Variants in MICAL1 observed in about 807,000 individuals in gnomAD.
MICAL1 encodes [F-actin]-monooxygenase MICAL1.
Under a neutral mutation model 131.8 loss-of-function variants are expected in MICAL1, and 95 were observed. The observed-to-expected ratio is 0.72, with a 90% confidence interval of 0.61 to 0.86. MICAL1 has a LOEUF of 0.86. Among genes scored for constraint, MICAL1 ranks in the 40% least tolerant of loss-of-function variants. The pLI, the probability that MICAL1 is intolerant of heterozygous loss-of-function variation, is 0.00. For synonymous variants in MICAL1, 546 were observed against 554.2 expected, an observed-to-expected ratio of 0.99 and a Z score of 0.21; for missense variants, 1,292 against 1,380.6, an observed-to-expected ratio of 0.94 and a Z score of 1.02.
At chr6:109,447,601 G>GA in intron 15 of MICAL1, 80 bp downstream of exon 15, 7 of 1,601,318 alleles carry the variant, frequency 4.4e-6, no homozygotes, top group Non-Finnish European at 6.0e-6. Flanking sequence ...CAAGACATGG[G>GA]ATGAGAAATA....
rs774191240 is a variant in MICAL1 at position 109,445,454 on chromosome 6, C to T, written c.2749G>A (p.Ala917Thr). The T allele has an allele frequency of 2.5e-6, 4 of 1,614,100 alleles. No individual in the cohort carries two copies. The highest frequency in any genetic ancestry group is 3.4e-6 in the Non-Finnish European group (4 of 1,180,044). ...AACCTCTTCATCTCCTCCTCCTTCG[C>T]ACGGCGCAGCAGAGTCCGACGCCAT... ...PTWRRTLLRR[A>T]KEEEMKRFCK... The change falls in exon 21 of 25, where the codon GCG becomes ACG. Residue 917 changes from alanine to threonine, a missense_variant. Coordinates refer to ENST00000358807, the MANE Select transcript of MICAL1 (RefSeq NM_022765.4).
At chr6:109,449,595 G>T in intron 10 of MICAL1, 62 bp downstream of exon 10, 1 of 1,598,868 alleles carries the variant, frequency 6.3e-7, no homozygotes, top group South Asian at 1.1e-5. Context: ...TGGGCAGGGA[G>T]GGCCTGACCT....
At chr6:109,465,813 A>G in exon 1 of MICAL1, 1 of 1,614,134 alleles carries the variant, frequency 6.2e-7, no homozygotes, top group Non-Finnish European at 8.5e-7. Context: ...GCTGGCTTAT[A>G]AGAAGAGCCC....
rs757647106 is a variant in MICAL1 at position 109,452,529 on chromosome 6, C to T, written c.658G>A (p.Gly220Ser). 2 of 1,614,046 alleles carry T rather than the reference C, an allele frequency of 1.2e-6. No homozygotes were observed. Among genetic ancestry groups the T allele is most frequent in the African/African-American group, 2.7e-5 (2 of 75,016 alleles). The part of the protein sequence containing the change: ...EFDVLISAAG[G>S]KFVPEGFKVR... ...CACTCACCTTCAGGGACGAATTTAC[C>T]TCCTGCAGCCGAGATAAGGACGTCA... The change falls in exon 5 of 25, where the codon GGT becomes AGT. Residue 220 changes from glycine (G) to serine (S), a missense_variant. By Grantham distance (56) the Gly-to-Ser change is moderately conservative. Transcript: ENST00000358807.
In MICAL1 at chr6:109,447,958, CAGG is replaced by C. The variant is rs1562288800; in HGVS notation, c.1858_1860del (p.Pro620del). On this transcript the variant is annotated inframe_deletion and splice_region_variant, in exon 14 of 25. Transcript: ENST00000358807. ...GAGGTCCCTGGGGAGGCCTGGCTGA[CAGG>C]GCCTGCGGGGAGAGCCAGGGCATCA... The C allele has an allele frequency of 1.9e-6, 3 of 1,607,914 alleles. No homozygotes were observed. The South Asian group carries it at 3.3e-5, about 18-fold the overall frequency.
At chr6:109,446,875 A>G (rs1428086015) in intron 17 of MICAL1, 103 bp from the exon 18 acceptor site, 2 of 1,319,074 alleles carry the variant, frequency 1.5e-6, no homozygotes, top group Non-Finnish European at 2.1e-6. Context: ...ACAGATTTGC[A>G]GGTGAATTTC....
At chr6:109,465,278 C>T (rs1776005423) in intron 1 of MICAL1, 2 of 206,140 alleles carry the variant, frequency 9.7e-6, no homozygotes, top group Admixed American at 1.0e-4. Context: ...AATAAGCCCA[C>T]TGTACTGCAT....
chr6:109,447,973 G>C lies in MICAL1; in HGVS notation c.1856-10C>G. ...GCCTGGCTGACAGGGCCTGCGGGGA[G>C]AGCCAGGGCATCAGTGTGGATGGGG... On this transcript the variant is annotated splice_polypyrimidine_tract_variant and intron_variant, in intron 13 of 24. Transcript: ENST00000358807. The C allele has an allele frequency of 1.3e-6, 2 of 1,598,226 alleles. No individual in the cohort carries two copies.
chr6:109,448,133 T>TCA (rs3054663), intron 13 of MICAL1, 70 bp downstream of exon 13: 21,699 of 1,422,072 alleles, frequency 0.015, 16 homozygotes, highest in Middle Eastern at 0.017. Context: ...TCTCCCTCTG[T>TCA]CACACACACA....
rs1476248120 is a variant in MICAL1, at chr6:109,455,239, G to T, written c.-44+480C>A. On this transcript the variant is annotated intron_variant, in intron 1 of 24. Coordinates refer to ENST00000358807, the MANE Select transcript of MICAL1 (RefSeq NM_022765.4). The surrounding 1 kb of genome is among the most constrained non-coding windows in gnomAD (Gnocchi z 4.7). ...GTTAGGGAGGGTGAATGGCAGCAGT[G>T]GGGGCAGGTCCCTGAGGCTCAGGCC... 6.6e-6 allele frequency among the ~76,000 whole-genome samples: 1 copy of T among 152,200 alleles called. No homozygotes were observed. The highest frequency in any genetic ancestry group is 1.5e-5 in the Non-Finnish European group (1 of 68,028).
chr6:109,447,168 C>T lies in MICAL1; in HGVS notation c.2132G>A (p.Cys711Tyr). 1.2e-6 allele frequency: 2 copies of T among 1,614,210 alleles called. No homozygotes were observed. The highest frequency in any genetic ancestry group is 3.3e-5 in the Admixed American group (2 of 60,032). The change falls in exon 17 of 25, where the codon TGT becomes TAT. Residue 711 changes from cysteine to tyrosine, a missense_variant. By Grantham distance (194) the Cys-to-Tyr change is radical. Coordinates refer to ENST00000358807, the MANE Select transcript of MICAL1 (RefSeq NM_022765.4). Reference protein sequence around the residue: ...GEHLYVLERLCVNGHFFHRSC... With the variant: ...GEHLYVLERLYVNGHFFHRSC... The stretch of plus-strand genomic sequence containing the variant: ...CCGGTGGAAGAAATGGCCGTTGACA[C>T]AGAGGCGTTCCAGGACATAGAGGTG...
chr6:109,451,644 T>G lies in MICAL1; in HGVS notation c.889A>C (p.Thr297Pro). Residue 297 changes from threonine (T) to proline (P), a missense_variant, in exon 7 of 25, where the codon ACA becomes CCA. Transcript: ENST00000358807. ...YKDDTHYFVM[T>P]AKKQCLLRLG... ...CGCAGCAGGCACTGCTTCTTGGCTGTCATCACAAAGTAGTGGGTGTCGTCC... is the reference window on the plus strand; with the variant it reads ...CGCAGCAGGCACTGCTTCTTGGCTGGCATCACAAAGTAGTGGGTGTCGTCC... 1 of 1,614,088 alleles carries G rather than the reference T, an allele frequency of 6.2e-7. No individual in the cohort carries two copies. The highest frequency in any genetic ancestry group is 8.5e-7 in the Non-Finnish European group (1 of 1,180,004).
At chr6:109,453,150 ACT>A (rs1775609675) in intron 4 of MICAL1, 111 bp downstream of exon 4, 4 of 803,266 alleles carry the variant, frequency 5.0e-6, no homozygotes, top group East Asian at 5.3e-5. Flanking sequence ...ACAGAACGAG[ACT>A]CTGTCTCAAA....
chr6:109,452,372 G>A lies in MICAL1; in HGVS notation c.706C>T (p.Leu236=). ...GFKVREMRGK[L]AIGITANFVN... ...AAGTTGGCTGTGATGCCAATGGCCAGTTTGCCTCGCATTTCTCGAACTTTG... is the reference window on the plus strand; with the variant it reads ...AAGTTGGCTGTGATGCCAATGGCCAATTTGCCTCGCATTTCTCGAACTTTG... Residue 236 remains leucine (L), a synonymous_variant, in exon 6 of 25, where the codon CTG becomes TTG. Coordinates refer to ENST00000358807, the MANE Select transcript of MICAL1 (RefSeq NM_022765.4). 1.2e-6 allele frequency: 2 copies of A among 1,614,186 alleles called. No individual in the cohort carries two copies. The highest frequency in any genetic ancestry group is 1.7e-6 in the Non-Finnish European group (2 of 1,180,028).
In MICAL1 at chr6:109,447,872, CA is replaced by C. The variant is rs750537214; in HGVS notation, c.1944+2del. 1.9e-6 allele frequency: 3 copies of C among 1,613,202 alleles called. No individual in the cohort carries two copies. Among genetic ancestry groups the C allele is most frequent in the Non-Finnish European group, 8.5e-7 (1 of 1,179,548 alleles). ...CAGCTCCAGCCCTGCCTAAACTCTCCACCTTGGCCCGGGATCGCTGCAGGGT... is the reference window on the plus strand; with the variant it reads ...CAGCTCCAGCCCTGCCTAAACTCTCCCCTTGGCCCGGGATCGCTGCAGGGT... On this transcript the variant is annotated splice_donor_variant, in intron 14 of 24. Coordinates refer to ENST00000358807, the MANE Select transcript of MICAL1 (RefSeq NM_022765.4). LOFTEE classifies it high-confidence loss of function.
intron 1 of MICAL1, among the ~76,000 whole-genome samples, chr6:109,460,907 TAAGACA>T (rs1775871443): frequency 6.6e-6 from 1 of 152,196 alleles, no homozygotes; most frequent in African/African-American, 2.4e-5. Context: ...TCCTGTTAAC[TAAGACA>T]TTTTCACCTT....
chr6:109,453,436 C>G, intron 3 of MICAL1, 69 bp from the exon 4 acceptor site: 1 of 1,549,720 alleles, frequency 6.5e-7, no homozygotes, highest in East Asian at 2.3e-5. Flanking sequence ...CCAGTGTGTG[C>G]CTGGTCAGGG....
rs1312714664 is a variant in MICAL1, at chr6:109,453,924, G to A, written c.258+15C>T. On this transcript the variant is annotated intron_variant, in intron 2 of 24. Coordinates refer to ENST00000358807, the MANE Select transcript of MICAL1 (RefSeq NM_022765.4). ...CCGCATGCTCCACACCCCATCCCAG[G>A]CACCGTGTATCCACCTTGGTGCTGG... 6.2e-7 allele frequency: 1 copy of A among 1,611,556 alleles called. No homozygotes were observed. Among genetic ancestry groups the A allele is most frequent in the East Asian group, 2.2e-5 (1 of 44,810 alleles).
At position 109,447,935 on chromosome 6, in the gene MICAL1, G is replaced by A. The variant is rs2115328879; in HGVS notation, c.1884C>T (p.Thr628=). The A allele has an allele frequency of 6.2e-7, 1 of 1,612,556 alleles. No homozygotes were observed. Residue 628 remains threonine, a synonymous_variant, in exon 14 of 25, where the codon ACC becomes ACT. Transcript: ENST00000358807. ...PGPVSQASPG[T]SSAVLFLSKL... Reference sequence around the variant, plus strand: ...TACTAAGGAATAATACAGCACTGGAGGTCCCTGGGGAGGCCTGGCTGACAG... The same window carrying A: ...TACTAAGGAATAATACAGCACTGGAAGTCCCTGGGGAGGCCTGGCTGACAG...
Sources: gnomAD v4.1 joint callset for allele counts (sites outside exome capture counted in the v4.1 genomes callset) on GRCh38, gnomAD v4.1.1 for gene constraint, Gnocchi (gnomAD v3.1) non-coding constraint, MANE v1.5 for transcripts, NCBI Gene and HGNC (gene_info 2026-07-23, HGNC 2026-07-21) for gene names.